The following TLCD1 variants were observed in gnomAD, a reference collection of about 807,000 sequenced individuals.
TLCD1 encodes the protein TLC domain containing 1.
In TLCD1, 21 loss-of-function variants were observed where a neutral mutation model predicts 21.2. The observed-to-expected ratio is 0.99, with a 90% CI of 0.70 to 1.42. The LOEUF (loss-of-function observed/expected upper bound fraction) is 1.42. Ranked by LOEUF, TLCD1 falls within the 40% of genes most tolerant of loss-of-function variation. The pLI, the probability that TLCD1 is intolerant of heterozygous loss-of-function variation, is 0.00. For synonymous variants in TLCD1, 168 were observed against 134.8 expected, an observed-to-expected ratio of 1.25 and a Z score of -1.71; for missense variants, 344 against 330.3, an observed-to-expected ratio of 1.04 and a Z score of -0.32.
chr17:28,724,938 G>A lies in TLCD1; in HGVS notation c.361-45C>T, dbSNP rs773735822. 14 of 1,571,934 alleles carry A rather than the reference G, an allele frequency of 8.9e-6. 1 individual carries two copies. The Middle Eastern group carries it at 5.2e-4, about 59-fold the overall frequency. On this transcript the variant is annotated intron_variant, in intron 3 of 3. Coordinates refer to ENST00000292090, the MANE Select transcript of TLCD1 (RefSeq NM_138463.4). The stretch of plus-strand genomic sequence containing the variant: ...GGAGTTAGGGAACCCAGATGCAGAC[G>A]CTTTCCTGGAAGTTTGGGGGGTGTG...
At position 28,726,092 on chromosome 17, in the gene TLCD1, G is replaced by A; in HGVS notation, c.6C>T (p.Pro2=). The part of the protein sequence containing the change: M[P]RLLHPALPLL... ...GCGGCAGGGCGGGGTGCAGCAGTCGGGGCATGCTGGCCCTCCCTGCCGTCC... is the reference window on the plus strand; with the variant it reads ...GCGGCAGGGCGGGGTGCAGCAGTCGAGGCATGCTGGCCCTCCCTGCCGTCC... Residue 2 remains proline (P), a synonymous_variant, in exon 1 of 4, where the codon CCC becomes CCT. Coordinates refer to ENST00000292090, the MANE Select transcript of TLCD1 (RefSeq NM_138463.4). 1 of 1,452,754 alleles carries A rather than the reference G, an allele frequency of 6.9e-7. No individual in the cohort carries two copies. Among genetic ancestry groups the A allele is most frequent in the Non-Finnish European group, 9.0e-7 (1 of 1,112,970 alleles). The allele number at this position is 1,452,754 out of a possible 1,614,324, so 90.0% of individuals were successfully genotyped here. A position where few individuals can be genotyped will look rare whatever the true frequency, so the allele number is the denominator to read the frequency against.
intron 1 of TLCD1, 152 bp from the exon 2 acceptor site, chr17:28,725,715 G>T: frequency 1.7e-6 from 2 of 1,142,980 alleles, no homozygotes; most frequent in Non-Finnish European, 2.5e-6. Context: ...AGAGCCTCCA[G>T]TTTCCCAGGG....
chr17:28,724,961 G>A, intron 3 of TLCD1, 68 bp from the exon 4 acceptor site: 1 of 1,537,292 alleles, frequency 6.5e-7, no homozygotes, highest in South Asian at 1.2e-5. Flanking sequence ...TTTGGGGGGT[G>A]TGGCTATCAG....
upstream of TLCD1, among the ~76,000 whole-genome samples, chr17:28,726,366 C>T (rs547541963): frequency 6.6e-3 from 983 of 149,050 alleles, 6 homozygotes; most frequent in Non-Finnish European, 0.011. Flanking sequence ...CCGCGCGAGC[C>T]GGGTGTCCCC....
upstream of TLCD1, chr17:28,727,537 C>T (rs1229784485): frequency 6.6e-6 from 1 of 152,374 alleles, no homozygotes; most frequent in Non-Finnish European, 1.5e-5. Context: ...CGCCCCTTTC[C>T]TCACACCCCT....
Position 28,724,571 on chromosome 17 carries a change from G to A in TLCD1, c.683C>T (p.Ser228Phe). ...GGGGACATGCTCAGGGCAGAAGTCA[G>A]AGCGGAGGAGGCGGGAAAAGTAGAT... ...IIIYFSRLLR[S>F]DFCPEHVPKK... is the part of the protein sequence containing the mutation. Residue 228 changes from serine to phenylalanine, a missense_variant, in exon 4 of 4, where the codon TCT becomes TTT. By Grantham distance (155) the Ser-to-Phe change is radical. Coordinates refer to ENST00000292090, the MANE Select transcript of TLCD1 (RefSeq NM_138463.4). The A allele has an allele frequency of 6.2e-7, 1 of 1,614,182 alleles. No individual in the cohort carries two copies. Among genetic ancestry groups the A allele is most frequent in the African/African-American group, 1.3e-5 (1 of 75,030 alleles).
Position 28,725,542 on chromosome 17 carries a change from C to T in TLCD1, c.216G>A (p.Met72Ile), listed in dbSNP as rs2034209815. 4 of 1,614,044 alleles carry T rather than the reference C, an allele frequency of 2.5e-6. No homozygotes were observed. In the South Asian group the frequency reaches 4.4e-5, roughly 18 times the overall value. ...ALLCVWQTPD[M>I]LVEIETAWSL... ...ACCACGCCGTCTCAATCTCCACTAA[C>T]ATGTCAGGAGTCTGCCATACACTGG... is the stretch of plus-strand genomic sequence containing the variant. The change falls in exon 2 of 4, where the codon ATG becomes ATA. Residue 72 changes from methionine to isoleucine, a missense_variant. Physicochemically the swap from Met to Ile is conservative, Grantham distance 10. Transcript: ENST00000292090.
Position 28,724,481 on chromosome 17 carries a change from C to T in TLCD1, c.*29G>A, listed in dbSNP as rs754289437. 67 of 1,601,630 alleles carry T rather than the reference C, an allele frequency of 4.2e-5. No individual in the cohort carries two copies. Among genetic ancestry groups the T allele is most frequent in the Admixed American group, 2.7e-4 (16 of 59,428 alleles). On this transcript the variant is annotated 3_prime_UTR_variant, in exon 4 of 4. Transcript: ENST00000292090. The stretch of plus-strand genomic sequence containing the variant: ...ATATGAAGCTGTTTCTGGCCTTGTC[C>T]GTTTTTGTTGTCCCAGGCTCTGTGC...
rs1212550613 is a variant in TLCD1 at position 28,724,900 on chromosome 17, G to A, written c.361-7C>T. Reference sequence around the variant, plus strand: ...AGAAGAAGGCACCCATGGCCTAGAGGGAAGAAAGAATAGGAGTTAGGGAAC... The same window carrying A: ...AGAAGAAGGCACCCATGGCCTAGAGAGAAGAAAGAATAGGAGTTAGGGAAC... On this transcript the variant is annotated splice_region_variant and splice_polypyrimidine_tract_variant and intron_variant, in intron 3 of 3. Coordinates refer to ENST00000292090, the MANE Select transcript of TLCD1 (RefSeq NM_138463.4). 2.5e-6 allele frequency: 4 copies of A among 1,609,658 alleles called. No individual in the cohort carries two copies. In the East Asian group the frequency reaches 6.7e-5, roughly 27 times the overall value.
At chr17:28,726,291 C>T (rs2034227821), upstream of TLCD1, 1 of 1,147,494 alleles carries the variant, frequency 8.7e-7, no homozygotes, top group Non-Finnish European at 1.1e-6. Flanking sequence ...CCCAGCCGCC[C>T]GCGCCCCCGC....
upstream of TLCD1, chr17:28,726,635 C>T (rs2034235801): frequency 1.1e-6 from 1 of 942,030 alleles, no homozygotes; most frequent in Non-Finnish European, 1.6e-6. Context: ...GACACGCCCA[C>T]GCCCCCTAAG....
At position 28,725,181 on chromosome 17, in the gene TLCD1, AAGT is replaced by A; in HGVS notation, c.360+120_360+122del. 7.1e-6 allele frequency: 8 copies of A among 1,127,936 alleles called. No individual in the cohort carries two copies. The South Asian group carries it at 1.2e-4, about 16-fold the overall frequency. 69.9% of individuals were successfully genotyped at this position (1,127,936 alleles called of 1,614,324 possible). A position where few individuals can be genotyped will look rare whatever the true frequency, so the allele number is the denominator to read the frequency against. ...CCAACCTCCAGCATCCTAGCATAAGAAGTAGCACACAGGTCGGGGGTGGGTGGT... is the reference window on the plus strand; with the variant it reads ...CCAACCTCCAGCATCCTAGCATAAGAAGCACACAGGTCGGGGGTGGGTGGT... On this transcript the variant is annotated intron_variant, in intron 3 of 3. Transcript: ENST00000292090.
chr17:28,725,223 C>A (rs1224847474), intron 3 of TLCD1, 81 bp downstream of exon 3: 15 of 1,509,594 alleles, frequency 9.9e-6, no homozygotes, highest in Non-Finnish European at 1.3e-5. Context: ...AAAACACGGC[C>A]TTCTCCCAGA....
intron 3 of TLCD1, 107 bp downstream of exon 3, chr17:28,725,196 CG>C: frequency 2.4e-6 from 3 of 1,270,194 alleles, no homozygotes; most frequent in East Asian, 2.4e-5. Context: ...GCACACAGGT[CG>C]GGGGTGGGTG....
intron 1 of TLCD1, 51 bp from the exon 2 acceptor site, chr17:28,725,614 TC>T (rs1403375858): frequency 6.3e-7 from 1 of 1,583,558 alleles, no homozygotes; most frequent in Non-Finnish European, 8.7e-7. Flanking sequence ...TCAAGGACCA[TC>T]AACTTCTCGG....
upstream of TLCD1, among the ~76,000 whole-genome samples, chr17:28,726,378 T>A (rs1170849689): frequency 6.9e-6 from 1 of 144,574 alleles, no homozygotes; most frequent in Non-Finnish European, 1.5e-5. Flanking sequence ...GGTGTCCCCG[T>A]GGCCTCTCGG....
rs768173295 is a variant in TLCD1, at chr17:28,724,874, GAGA to G, written c.377_379del (p.Phe126del). 62 of 1,613,606 alleles carry G rather than the reference GAGA, an allele frequency of 3.8e-5. No homozygotes were observed. Among genetic ancestry groups the G allele is most frequent in the Non-Finnish European group, 5.0e-5 (59 of 1,179,862 alleles). On this transcript the variant is annotated inframe_deletion, in exon 4 of 4. Transcript: ENST00000292090. Reference sequence around the variant, plus strand: ...GACAAAGCTGCTCCAAAAGATGCCGGAGAAGAAGGCACCCATGGCCTAGAGGGA... The same window carrying G: ...GACAAAGCTGCTCCAAAAGATGCCGGAGAAGGCACCCATGGCCTAGAGGGA...
upstream of TLCD1, chr17:28,726,301 C>T (rs2034228516): frequency 3.7e-6 from 4 of 1,085,498 alleles, no homozygotes; most frequent in Non-Finnish European, 4.6e-6. Context: ...CGCGCCCCCG[C>T]CCCGCCCGCC....
At chr17:28,724,928 A>C (rs771328648) in intron 3 of TLCD1, 35 bp from the exon 4 acceptor site, 7 of 1,582,862 alleles carry the variant, frequency 4.4e-6, no homozygotes, top group Non-Finnish European at 5.1e-6. Context: ...TAGGGAACCC[A>C]GATGCAGACG....
Sources: gnomAD v4.1 joint callset for allele counts (sites outside exome capture counted in the v4.1 genomes callset) on GRCh38, gnomAD v4.1.1 for gene constraint, MANE v1.5 for transcripts, NCBI Gene and HGNC (gene_info 2026-07-23, HGNC 2026-07-21) for gene names.